The following TLN2 variants were observed in gnomAD, a reference collection of about 807,000 sequenced individuals.
The protein encoded by TLN2 is talin-2.
Under a neutral mutation model 294.7 loss-of-function variants are expected in TLN2, and 118 were observed. That is an observed-to-expected ratio of 0.40 (90% CI 0.34 to 0.47). The LOEUF (loss-of-function observed/expected upper bound fraction) is 0.47, where lower values mean the gene tolerates loss of function less well. Among genes scored for constraint, TLN2 ranks in the 20% least tolerant of loss-of-function variants. TLN2 has a pLI of 0.84. For missense variants in TLN2, 3,083 were observed against 3,282.2 expected (o/e 0.94, Z 1.48); for synonymous variants, 1,431 against 1,304.5 (o/e 1.10, Z -2.09).
At chr15:62,506,164 A>C (rs147429089) in intron 1 of TLN2, among the ~76,000 whole-genome samples, 59 of 152,280 alleles carry the variant, frequency 3.9e-4, no homozygotes, top group African/African-American at 1.3e-3. Flanking sequence ...CAAATCTAGG[A>C]AACTGTGATA....
intron 24 of TLN2, among the ~76,000 whole-genome samples, 177 bp downstream of exon 24, chr15:62,717,866 C>A (rs958644511): frequency 3.3e-5 from 5 of 152,182 alleles, no homozygotes; most frequent in African/African-American, 9.7e-5. Context: ...AGTGGATGGC[C>A]TGTGTTTGGA....
At chr15:62,820,810 C>T (rs927206462) in intron 54 of TLN2, among the ~76,000 whole-genome samples, 200 bp downstream of exon 54, 1 of 152,130 alleles carries the variant, frequency 6.6e-6, no homozygotes, top group South Asian at 2.1e-4. Flanking sequence ...TCAAGTTAAC[C>T]ACCCAGAAAA....
intron 2 of TLN2, among the ~76,000 whole-genome samples, chr15:62,603,418 C>G (rs185655881): frequency 1.3e-5 from 2 of 151,676 alleles, no homozygotes; most frequent in Non-Finnish European, 2.9e-5. Context: ...TCCCCTAATT[C>G]TTCTTCTGTA....
chr15:62,668,783 C>T (rs139496566), intron 9 of TLN2, among the ~76,000 whole-genome samples: 182 of 152,324 alleles, frequency 1.2e-3, no homozygotes, highest in African/African-American at 4.2e-3. Flanking sequence ...AGTTAATCTG[C>T]TGGTGCTTGT....
intron 1 of TLN2, among the ~76,000 whole-genome samples, chr15:62,565,682 T>A (rs866315725): frequency 4.6e-5 from 7 of 152,366 alleles, no homozygotes; most frequent in South Asian, 2.1e-4. Context: ...TATGAATTAA[T>A]GTGGTCTACA....
chr15:62,517,983 G>A (rs1380631187), intron 1 of TLN2, among the ~76,000 whole-genome samples: 1 of 151,948 alleles, frequency 6.6e-6, no homozygotes, highest in Non-Finnish European at 1.5e-5. Context: ...TGGAACGAGA[G>A]TAAAGCACTG....
rs569528914 is a variant in TLN2 at position 62,709,548 on chromosome 15, G to T, written c.2467+752G>T. On this transcript the variant is annotated intron_variant, in intron 21 of 58. Coordinates refer to ENST00000636159, the MANE Select transcript of TLN2 (RefSeq NM_015059.3). The stretch of plus-strand genomic sequence containing the variant: ...GAGGACAGTTTGTCTCCAGCAAAAG[G>T]GTGTTTTCAGATTCCAAAGCATCAT... 2.0e-5 allele frequency among the ~76,000 whole-genome samples: 3 copies of T among 152,156 alleles called. No homozygotes were observed. In the South Asian group the frequency reaches 6.2e-4, roughly 32 times the overall value.
chr15:62,613,251 C>T (rs1017203088), intron 2 of TLN2, among the ~76,000 whole-genome samples: 1 of 152,150 alleles, frequency 6.6e-6, no homozygotes, highest in African/African-American at 2.4e-5. Context: ...GTATTTTGTT[C>T]TTTTTGATCC....
chr15:62,743,141 T>C (rs560852579), intron 32 of TLN2, among the ~76,000 whole-genome samples: 3 of 152,252 alleles, frequency 2.0e-5, no homozygotes, highest in Non-Finnish European at 2.9e-5. Flanking sequence ...CCTAGAACAG[T>C]CCTGCATAAA....
chr15:62,788,598 CTTAG>C (rs1304633063), intron 45 of TLN2, among the ~76,000 whole-genome samples: 5 of 152,140 alleles, frequency 3.3e-5, no homozygotes, highest in Non-Finnish European at 5.9e-5. Flanking sequence ...GCTCAGGGAA[CTTAG>C]TTAAACTGCC....
chr15:62,409,747 G>A (rs1454949894), intron 1 of TLN2, among the ~76,000 whole-genome samples: 1 of 152,072 alleles, frequency 6.6e-6, no homozygotes, highest in Non-Finnish European at 1.5e-5. Context: ...ATTGGTAAAT[G>A]CTTTCATATG....
rs761956892 is a variant in TLN2 at position 62,776,781 on chromosome 15, C to T, written c.5385C>T (p.Asp1795=). Residue 1795 remains aspartate (D), a synonymous_variant, in exon 43 of 59, where the codon GAC becomes GAT. Transcript: ENST00000636159. ...GGNPKAQHTH[D]AITEAAQLMK... is the part of the protein sequence containing the mutation. ...CTTCTCAGGCACAACACACCCATGA[C>T]GCCATCACAGAGGCCGCCCAGTTGA... 34 of 1,584,104 alleles carry T rather than the reference C, an allele frequency of 2.1e-5. No homozygotes were observed. The highest frequency in any genetic ancestry group is 8.2e-5 in the African/African-American group (6 of 73,376).
At chr15:62,444,722 A>G (rs549169310) in intron 1 of TLN2, among the ~76,000 whole-genome samples, 3 of 152,340 alleles carry the variant, frequency 2.0e-5, no homozygotes, top group Admixed American at 1.3e-4. Context: ...GACTTACTAG[A>G]AAAAGGCAGC....
chr15:62,768,620 G>A (rs4774449), intron 41 of TLN2, among the ~76,000 whole-genome samples: 149,655 of 152,368 alleles, frequency 0.98, 73,545 homozygotes, highest in Middle Eastern at 1. Flanking sequence ...AGGAATGAAC[G>A]TTATGTACCA....
At chr15:62,442,583 G>A (rs2035608917) in intron 1 of TLN2, among the ~76,000 whole-genome samples, 1 of 151,618 alleles carries the variant, frequency 6.6e-6, no homozygotes, top group South Asian at 2.1e-4. Flanking sequence ...GCTGTGTGAG[G>A]TTGCTGTGGG....
chr15:62,550,994 T>C (rs2042264330), intron 1 of TLN2, among the ~76,000 whole-genome samples: 1 of 152,152 alleles, frequency 6.6e-6, no homozygotes, highest in Non-Finnish European at 1.5e-5. Flanking sequence ...AGCCCTGAGC[T>C]TGTTTTCCTG....
chr15:62,617,032 G>A (rs2140842765), intron 2 of TLN2, among the ~76,000 whole-genome samples: 1 of 152,192 alleles, frequency 6.6e-6, no homozygotes, highest in East Asian at 1.9e-4. Context: ...AGGAGAGACT[G>A]CCATGCAATG....
intron 1 of TLN2, among the ~76,000 whole-genome samples, chr15:62,576,235 G>T (rs925789681): frequency 2.0e-5 from 3 of 150,794 alleles, no homozygotes; most frequent in African/African-American, 7.3e-5. Flanking sequence ...TTGCACTCCA[G>T]CCTGGGTGAA....
intron 2 of TLN2, among the ~76,000 whole-genome samples, chr15:62,615,526 C>G (rs578105976): frequency 1.4e-3 from 220 of 152,276 alleles, no homozygotes; most frequent in Non-Finnish European, 1.7e-3. Context: ...TGTAGGAAAT[C>G]AAAACACAGC....
Sources: gnomAD v4.1 joint callset for allele counts (sites outside exome capture counted in the v4.1 genomes callset) on GRCh38, gnomAD v4.1.1 for gene constraint, MANE v1.5 for transcripts, NCBI Gene and HGNC (gene_info 2026-07-23, HGNC 2026-07-21) for gene names.